Variants in WWOX observed in about 807,000 individuals in gnomAD.
WWOX encodes WW domain containing oxidoreductase, also known as WW domain-containing oxidoreductase.
Under a neutral mutation model 46.2 loss-of-function variants are expected in WWOX, and 69 were observed. The observed-to-expected ratio is 1.49, with a 90% CI of 1.23 to 1.82. The LOEUF (loss-of-function observed/expected upper bound fraction) is 1.82. Ranked by LOEUF, WWOX falls within the 40% of genes most tolerant of loss-of-function variation. The probability of loss-of-function intolerance (pLI) is 0.00; values close to 1 mark genes in which losing one functional copy is unlikely to be tolerated. For missense variants in WWOX, 919 were observed against 542.6 expected (o/e 1.69, Z -6.89); for synonymous variants, 359 against 202.6 (o/e 1.77, Z -6.56).
intron 6 of WWOX, among the ~76,000 whole-genome samples, chr16:78,415,152 CAT>C (rs1035785450): frequency 4.0e-5 from 6 of 150,666 alleles, no homozygotes; most frequent in African/African-American, 1.5e-4. Context: ...GTAGATTACT[CAT>C]GAGTTTTCAC....
At chr16:78,357,363 C>A (rs372787990) in intron 5 of WWOX, among the ~76,000 whole-genome samples, 91 of 152,258 alleles carry the variant, frequency 6.0e-4, no homozygotes, top group African/African-American at 2.0e-3. Context: ...TGCAAAGGAA[C>A]CTGCACTGTG....
At chr16:79,036,891 A>T (rs1327125095) in intron 8 of WWOX, among the ~76,000 whole-genome samples, 4 of 152,194 alleles carry the variant, frequency 2.6e-5, no homozygotes, top group Non-Finnish European at 4.4e-5. Flanking sequence ...TGCCAAAGGG[A>T]TTCTTTCAGA....
Position 78,368,609 on chromosome 16 carries a change from C to T in WWOX, c.517-18251C>T, listed in dbSNP as rs74815491. On this transcript the variant is annotated intron_variant, in intron 5 of 8. Coordinates refer to ENST00000566780, the MANE Select transcript of WWOX (RefSeq NM_016373.4). ...ATATTGAAGAGGCAGGGAGAGCTTG[C>T]ACTGAGGCCAGGGTGTATTAACATG... Among the ~76,000 whole-genome samples, 58 of 152,316 alleles carry T rather than the reference C, an allele frequency of 3.8e-4. No individual in the cohort carries two copies. In the East Asian group the frequency reaches 0.011, roughly 29 times the overall value.
intron 5 of WWOX, among the ~76,000 whole-genome samples, chr16:78,235,450 G>C (rs1013879613): frequency 1.3e-5 from 2 of 152,136 alleles, no homozygotes; most frequent in East Asian, 3.9e-4. Context: ...GTTAAAGAAA[G>C]GGACAGCAGA....
intron 5 of WWOX, among the ~76,000 whole-genome samples, chr16:78,379,682 G>C (rs75540450): frequency 0.053 from 8,086 of 152,232 alleles, 281 homozygotes; most frequent in East Asian, 0.12. Flanking sequence ...CCAACTACTT[G>C]GGTTCACTAT....
intron 8 of WWOX, among the ~76,000 whole-genome samples, chr16:79,029,187 T>C (rs919237208): frequency 3.3e-5 from 5 of 152,140 alleles, no homozygotes; most frequent in Admixed American, 6.5e-5. Flanking sequence ...GCTGGGACTT[T>C]GGGTACAGAT....
intron 5 of WWOX, among the ~76,000 whole-genome samples, chr16:78,335,503 A>G (rs1451590427): frequency 2.0e-5 from 3 of 152,164 alleles, no homozygotes; most frequent in Admixed American, 2.0e-4. Flanking sequence ...TATATGTACC[A>G]TATTTTCTTC....
At chr16:79,131,929 C>T (rs1486044080) in intron 8 of WWOX, among the ~76,000 whole-genome samples, 1 of 152,046 alleles carries the variant, frequency 6.6e-6, no homozygotes, top group African/African-American at 2.4e-5. Context: ...TCAGGGAAAC[C>T]CCTGTTTTTA....
intron 4 of WWOX, among the ~76,000 whole-genome samples, chr16:78,135,071 G>C (rs1256862090): frequency 6.6e-6 from 1 of 152,188 alleles, no homozygotes; most frequent in Non-Finnish European, 1.5e-5. Flanking sequence ...CTGCAATACA[G>C]ACAAACCTGA....
chr16:78,212,362 C>G (rs1018253728), intron 5 of WWOX, among the ~76,000 whole-genome samples: 1 of 152,192 alleles, frequency 6.6e-6, no homozygotes, highest in Admixed American at 6.5e-5. Flanking sequence ...TCCCCAAATT[C>G]AAAAGGACAG....
intron 8 of WWOX, among the ~76,000 whole-genome samples, chr16:78,572,795 T>G (rs1443109428): frequency 6.6e-6 from 1 of 151,844 alleles, no homozygotes; most frequent in African/African-American, 2.4e-5. Flanking sequence ...GGGGCATGGT[T>G]GGGAGGAAAA....
chr16:79,072,556 C>G (rs764040980), intron 8 of WWOX, among the ~76,000 whole-genome samples: 14 of 152,180 alleles, frequency 9.2e-5, no homozygotes, highest in Non-Finnish European at 1.8e-4. Context: ...TTTTGACATG[C>G]TTTTCTGCAG....
At chr16:78,381,440 T>G (rs1383038830) in intron 5 of WWOX, among the ~76,000 whole-genome samples, 1 of 151,868 alleles carries the variant, frequency 6.6e-6, no homozygotes, top group East Asian at 1.9e-4. Flanking sequence ...GTTGTTTGAT[T>G]ATGACCTTCT....
chr16:78,831,224 C>T lies in WWOX; in HGVS notation c.1057-380384C>T, dbSNP rs553637890. On this transcript the variant is annotated intron_variant, in intron 8 of 8. Transcript: ENST00000566780. Reference sequence around the variant, plus strand: ...CTGTGACTTTCGAGGTCATGTTTTCCCTCCAGCCCTCATTTCCCCCTTTAT... The same window carrying T: ...CTGTGACTTTCGAGGTCATGTTTTCTCTCCAGCCCTCATTTCCCCCTTTAT... Among the ~76,000 whole-genome samples, 323 of 151,886 alleles carry T rather than the reference C, an allele frequency of 2.1e-3. 2 individuals carry two copies. The highest frequency in any genetic ancestry group is 4.1e-3 in the Non-Finnish European group (282 of 67,980).
chr16:78,542,178 A>G (rs975090736), intron 8 of WWOX, among the ~76,000 whole-genome samples: 12 of 33,864 alleles, frequency 3.5e-4, no homozygotes, highest in African/African-American at 4.7e-4. Context: ...TTAAGCTAAC[A>G]GAAATTGTTC....
chr16:78,425,442 T>G (rs2083053566), intron 7 of WWOX, among the ~76,000 whole-genome samples: 1 of 152,176 alleles, frequency 6.6e-6, no homozygotes, highest in Non-Finnish European at 1.5e-5. Flanking sequence ...GCCTGCGAGA[T>G]GAAATCAAAT....
chr16:78,354,969 T>G (rs1277574947), intron 5 of WWOX, among the ~76,000 whole-genome samples: 1 of 151,934 alleles, frequency 6.6e-6, no homozygotes, highest in Non-Finnish European at 1.5e-5. Context: ...CTGTCTATCC[T>G]AAAAATGCAA....
At chr16:78,623,462 C>A (rs560657703) in intron 8 of WWOX, among the ~76,000 whole-genome samples, 20 of 152,198 alleles carry the variant, frequency 1.3e-4, no homozygotes, top group African/African-American at 4.6e-4. Flanking sequence ...GGCAGATCAC[C>A]TGAGGTCATG....
chr16:78,621,964 T>A (rs1339415062), intron 8 of WWOX, among the ~76,000 whole-genome samples: 1 of 152,048 alleles, frequency 6.6e-6, no homozygotes, highest in East Asian at 1.9e-4. Context: ...TGTACTGGTT[T>A]TTCTTGATGT....
Sources: gnomAD v4.1 joint callset for allele counts (sites outside exome capture counted in the v4.1 genomes callset) on GRCh38, gnomAD v4.1.1 for gene constraint, MANE v1.5 for transcripts, NCBI Gene and HGNC (gene_info 2026-07-23, HGNC 2026-07-21) for gene names.